The following FLT1 variants were observed in gnomAD, a reference collection of about 807,000 sequenced individuals.
FLT1 encodes the protein vascular endothelial growth factor receptor 1.
A neutral mutation model predicts 156.3 loss-of-function variants in FLT1; 49 were observed. The ratio of observed to expected loss-of-function variants is 0.31; its 90% CI spans 0.25 to 0.40. The LOEUF (loss-of-function observed/expected upper bound fraction) is 0.40, where lower values mean the gene tolerates loss of function less well. Among genes scored for constraint, FLT1 ranks in the 10% least tolerant of loss-of-function variants. The pLI, the probability that FLT1 is intolerant of heterozygous loss-of-function variation, is 1.00. For synonymous variants in FLT1, 594 were observed against 583.8 expected (o/e 1.02, Z -0.25); for missense variants, 1,322 against 1,637.2 (o/e 0.81, Z 3.32).
At chr13:28,360,832 A>T (rs866122917) in intron 14 of FLT1, among the ~76,000 whole-genome samples, 9 of 152,184 alleles carry the variant, frequency 5.9e-5, no homozygotes, top group Non-Finnish European at 1.0e-4. Context: ...CTAAAAGAGG[A>T]TTTTAAGTGT....
chr13:28,391,842 C>A (rs147364558), intron 12 of FLT1, among the ~76,000 whole-genome samples: 1 of 152,130 alleles, frequency 6.6e-6, no homozygotes, highest in Non-Finnish European at 1.5e-5. Context: ...CCCAGTCTCA[C>A]GGGAGGATTT....
intron 8 of FLT1, among the ~76,000 whole-genome samples, 172 bp downstream of exon 8, chr13:28,429,878 T>C (rs1877569868): frequency 6.6e-6 from 1 of 152,144 alleles, no homozygotes; most frequent in African/African-American, 2.4e-5. Context: ...TATTTCCTTT[T>C]CCCCAGCCCT....
intron 11 of FLT1, among the ~76,000 whole-genome samples, chr13:28,404,824 A>AACCTGGCCAATATGGTGAAACCC (rs1198554775): frequency 1.3e-5 from 2 of 152,128 alleles, no homozygotes; most frequent in Non-Finnish European, 2.9e-5. Flanking sequence ...GTTTGAGACC[A>AACCTGGCCAATATGGTGAAACCC]ACCTGGCCAA....
At chr13:28,389,469 C>A in intron 13 of FLT1, 1 of 1,336,938 alleles carries the variant, frequency 7.5e-7, no homozygotes, top group Non-Finnish European at 9.5e-7. Flanking sequence ...GCAACAAACA[C>A]AGAGAAGGCA....
At chr13:28,452,370 T>C (rs1480105153) in intron 3 of FLT1, among the ~76,000 whole-genome samples, 2 of 152,208 alleles carry the variant, frequency 1.3e-5, no homozygotes, top group East Asian at 3.9e-4. Context: ...TATTGGGTTG[T>C]TTCGAGGATG....
At chr13:28,333,542 T>G (rs1872005928) in intron 18 of FLT1, among the ~76,000 whole-genome samples, 1 of 152,190 alleles carries the variant, frequency 6.6e-6, no homozygotes, top group East Asian at 1.9e-4. Context: ...GAGGAAATGT[T>G]TTATGGCTGA....
At chr13:28,479,905 C>T (rs1880744597) in intron 1 of FLT1, among the ~76,000 whole-genome samples, 2 of 152,126 alleles carry the variant, frequency 1.3e-5, no homozygotes, top group South Asian at 4.1e-4. Flanking sequence ...GCCACCAACC[C>T]AACAGCTTTA....
At chr13:28,387,979 G>A in intron 13 of FLT1, 1 of 1,060,504 alleles carries the variant, frequency 9.4e-7, no homozygotes. Context: ...GGTAGGTTCT[G>A]CATGTCCAAT....
chr13:28,385,878 T>C, intron 13 of FLT1: 14 of 1,052,274 alleles, frequency 1.3e-5, no homozygotes, highest in Non-Finnish European at 1.6e-5. Flanking sequence ...AATGAAGTAG[T>C]CAGTCAGTCC....
chr13:28,486,645 G>T (rs1228808261), intron 1 of FLT1, among the ~76,000 whole-genome samples: 1 of 152,186 alleles, frequency 6.6e-6, no homozygotes, highest in Non-Finnish European at 1.5e-5. Flanking sequence ...TGCCCCTAAC[G>T]TACGTACCTC....
chr13:28,355,523 C>T (rs577210270), intron 15 of FLT1, among the ~76,000 whole-genome samples: 3 of 152,220 alleles, frequency 2.0e-5, no homozygotes, highest in African/African-American at 4.8e-5. Flanking sequence ...ATTCCAGAAG[C>T]GGGGATTGAG....
chr13:28,333,356 G>T (rs1407913806), intron 18 of FLT1, among the ~76,000 whole-genome samples: 1 of 152,104 alleles, frequency 6.6e-6, no homozygotes, highest in Non-Finnish European at 1.5e-5. Flanking sequence ...ACACTGTAAA[G>T]GACCTGTGAG....
At chr13:28,315,434 T>C (rs1345273997) in intron 25 of FLT1, among the ~76,000 whole-genome samples, 2 of 152,086 alleles carry the variant, frequency 1.3e-5, no homozygotes, top group Non-Finnish European at 2.9e-5. Flanking sequence ...CACATGCCTG[T>C]AGTCCCAGCA....
chr13:28,426,038 C>T (rs763417861), intron 10 of FLT1, among the ~76,000 whole-genome samples: 4 of 151,834 alleles, frequency 2.6e-5, no homozygotes, highest in South Asian at 2.1e-4. Context: ...CTAAGCAAAA[C>T]GAGTTGGAAT....
At chr13:28,349,626 A>G (rs147594817) in intron 15 of FLT1, among the ~76,000 whole-genome samples, 2,740 of 152,334 alleles carry the variant, frequency 0.018, 32 homozygotes, top group Admixed American at 0.028. Context: ...AAACCTCTGC[A>G]GATGCTTCCC....
chr13:28,391,810 G>A (rs544175312), intron 12 of FLT1, among the ~76,000 whole-genome samples: 243 of 152,294 alleles, frequency 1.6e-3, no homozygotes, highest in Non-Finnish European at 2.6e-3. Flanking sequence ...TTGGGGCTGA[G>A]AATTTCTTAG....
intron 1 of FLT1, among the ~76,000 whole-genome samples, chr13:28,493,947 T>TA (rs1881601360): frequency 6.6e-6 from 1 of 152,238 alleles, no homozygotes; most frequent in Non-Finnish European, 1.5e-5. Flanking sequence ...AGGCTAGGCT[T>TA]GTAAGTCAGT....
intron 19 of FLT1, among the ~76,000 whole-genome samples, chr13:28,328,032 G>T (rs1290879779): frequency 6.6e-6 from 1 of 152,144 alleles, no homozygotes; most frequent in African/African-American, 2.4e-5. Flanking sequence ...CTTGCCAGAG[G>T]ATCTACAGTA....
chr13:28,412,388 C>CTT (rs1876333272), intron 10 of FLT1, among the ~76,000 whole-genome samples: 3 of 127,662 alleles, frequency 2.3e-5, no homozygotes, highest in African/African-American at 8.5e-5. Flanking sequence ...TTCTTTCTTT[C>CTT]TTTCTTTCTT....
Sources: gnomAD v4.1 joint callset for allele counts (sites outside exome capture counted in the v4.1 genomes callset) on GRCh38, gnomAD v4.1.1 for gene constraint, MANE v1.5 for transcripts, NCBI Gene and HGNC (gene_info 2026-07-23, HGNC 2026-07-21) for gene names.